KCNT2: variants seen among roughly 807,000 people sequenced by gnomAD.
KCNT2 encodes the protein potassium sodium-activated channel subfamily T member 2.
In KCNT2, 67 loss-of-function variants were observed where a neutral mutation model predicts 153.8. The observed-to-expected ratio is 0.44, with a 90% confidence interval of 0.36 to 0.53. KCNT2 has a LOEUF of 0.53. Ranked by LOEUF, KCNT2 falls within the 20% of genes least tolerant of loss-of-function variation. The pLI is 0.00. For missense variants in KCNT2, 975 were observed against 1,354.8 expected (o/e 0.72, Z 4.40); for synonymous variants, 500 against 458.8 (o/e 1.09, Z -1.15).
chr1:196,527,503 TC>T (rs1654393015), intron 1 of KCNT2, among the ~76,000 whole-genome samples: 2 of 152,154 alleles, frequency 1.3e-5, no homozygotes, highest in South Asian at 4.1e-4. Flanking sequence ...ATATTAATAA[TC>T]TAACAAATTT....
At chr1:196,386,760 T>C (rs915438986) in intron 13 of KCNT2, among the ~76,000 whole-genome samples, 10 of 152,122 alleles carry the variant, frequency 6.6e-5, no homozygotes, top group African/African-American at 2.4e-4. Context: ...AAGAAGGATT[T>C]AGCTATTGAC....
At chr1:196,567,433 T>G (rs949342950) in intron 1 of KCNT2, among the ~76,000 whole-genome samples, 5 of 152,188 alleles carry the variant, frequency 3.3e-5, no homozygotes, top group African/African-American at 1.2e-4. Context: ...GAATAGCAAG[T>G]GCTGTTGTCA....
At chr1:196,562,159 C>A (rs774198212) in intron 1 of KCNT2, among the ~76,000 whole-genome samples, 10 of 151,864 alleles carry the variant, frequency 6.6e-5, no homozygotes, top group Admixed American at 1.3e-4. Flanking sequence ...ATTTTTCCCA[C>A]AAGAGACAGC....
chr1:196,538,204 T>A (rs1655863710), intron 1 of KCNT2, among the ~76,000 whole-genome samples: 1 of 151,938 alleles, frequency 6.6e-6, no homozygotes, highest in South Asian at 2.1e-4. Context: ...TCCATGCAAA[T>A]GGAGGACCCA....
chr1:196,466,966 TTCCTTTTC>T (rs1677674084), intron 7 of KCNT2, among the ~76,000 whole-genome samples: 1 of 151,998 alleles, frequency 6.6e-6, no homozygotes, highest in Non-Finnish European at 1.5e-5. Context: ...TACCTCTTGC[TTCCTTTTC>T]TCCTAATATC....
intron 1 of KCNT2, among the ~76,000 whole-genome samples, chr1:196,574,436 C>T (rs554346480): frequency 6.6e-6 from 1 of 151,856 alleles, no homozygotes; most frequent in African/African-American, 2.4e-5. Context: ...AGAGTCATAG[C>T]TGTTAAACAA....
At chr1:196,240,610 T>C (rs1354606182) in intron 26 of KCNT2, among the ~76,000 whole-genome samples, 1 of 152,034 alleles carries the variant, frequency 6.6e-6, no homozygotes, top group Non-Finnish European at 1.5e-5. Flanking sequence ...GAAGGGCAAA[T>C]GGCATAGCAA....
chr1:196,388,018 A>G (rs1362139709), intron 13 of KCNT2, among the ~76,000 whole-genome samples: 1 of 148,520 alleles, frequency 6.7e-6, no homozygotes, highest in Non-Finnish European at 1.5e-5. Flanking sequence ...ACATTCCTCT[A>G]TGTTTTATTT....
intron 13 of KCNT2, among the ~76,000 whole-genome samples, chr1:196,375,595 T>TA (rs995134156): frequency 1.4e-4 from 21 of 151,790 alleles, no homozygotes; most frequent in African/African-American, 5.1e-4. Flanking sequence ...GTTTACATAT[T>TA]AAAAAAACAT....
At chr1:196,552,772 ATATAGT>A (rs1335209825) in intron 1 of KCNT2, among the ~76,000 whole-genome samples, 1 of 151,448 alleles carries the variant, frequency 6.6e-6, no homozygotes, top group African/African-American at 2.4e-5. Context: ...AAGCAGGGAA[ATATAGT>A]TAAAGTGTAG....
At chr1:196,584,674 A>T (rs978410974) in intron 1 of KCNT2, among the ~76,000 whole-genome samples, 2 of 152,162 alleles carry the variant, frequency 1.3e-5, no homozygotes, top group African/African-American at 4.8e-5. Flanking sequence ...AATGTTGTCA[A>T]GAGAAAATTC....
Position 196,265,508 on chromosome 1 carries a change from A to T in KCNT2, c.2911-7014T>A, listed in dbSNP as rs1657452836. 1.3e-5 allele frequency among the ~76,000 whole-genome samples: 2 copies of T among 152,254 alleles called. 1 individual carries two copies. The highest frequency in any genetic ancestry group is 4.1e-4 in the South Asian group (2 of 4,824). On this transcript the variant is annotated intron_variant, in intron 25 of 27. Coordinates refer to ENST00000294725, the MANE Select transcript of KCNT2 (RefSeq NM_198503.5). ...TGGTATCCAGTAAGAAATGTGGCTG[A>T]CACTAGGCACAGGGGAATAATTCCT... is the stretch of plus-strand genomic sequence containing the variant.
intron 19 of KCNT2, among the ~76,000 whole-genome samples, chr1:196,323,744 A>T (rs1168043792): frequency 6.6e-6 from 1 of 151,904 alleles, no homozygotes; most frequent in Non-Finnish European, 1.5e-5. Flanking sequence ...ACTAATTTTT[A>T]AAAATAGCCA....
chr1:196,237,619 C>G (rs545229737), intron 26 of KCNT2, among the ~76,000 whole-genome samples: 20 of 151,910 alleles, frequency 1.3e-4, no homozygotes, highest in African/African-American at 4.6e-4. Flanking sequence ...GGCTGGAGTA[C>G]AATGGCTTGA....
chr1:196,547,883 G>A (rs1349925782), intron 1 of KCNT2, among the ~76,000 whole-genome samples: 1 of 151,570 alleles, frequency 6.6e-6, no homozygotes, highest in Non-Finnish European at 1.5e-5. Flanking sequence ...CTCCAGTATG[G>A]TAACATCCAG....
chr1:196,502,102 G>A (rs565929018), intron 1 of KCNT2, among the ~76,000 whole-genome samples: 15 of 152,124 alleles, frequency 9.9e-5, no homozygotes, highest in Middle Eastern at 3.2e-3. Flanking sequence ...AGGTGACAGA[G>A]CAAGACTCCA....
intron 1 of KCNT2, among the ~76,000 whole-genome samples, chr1:196,526,226 G>A (rs1228503541): frequency 6.6e-6 from 1 of 151,522 alleles, no homozygotes. Flanking sequence ...CATAAAAAAT[G>A]TTCATGTATA....
At chr1:196,465,455 T>TAA in intron 7 of KCNT2, 68 bp from the exon 8 acceptor site, 3 of 845,046 alleles carry the variant, frequency 3.6e-6, no homozygotes, top group African/African-American at 3.3e-5. Flanking sequence ...TTCATTACAT[T>TAA]TATTAGCATA....
rs368497047 is a variant in KCNT2 at position 196,502,127 on chromosome 1, T to G, written c.96-9786A>C. 3.3e-5 allele frequency among the ~76,000 whole-genome samples: 5 copies of G among 151,962 alleles called. No individual in the cohort carries two copies. In the East Asian group the frequency reaches 7.7e-4, roughly 24 times the overall value. On this transcript the variant is annotated intron_variant, in intron 1 of 27. Coordinates refer to ENST00000294725, the MANE Select transcript of KCNT2 (RefSeq NM_198503.5). The stretch of plus-strand genomic sequence containing the variant: ...GCAAGACTCCATCTCAAAAATAAAT[T>G]AAAAAAAAGATAGTTCAGGCTCAAG...
Sources: gnomAD v4.1 joint callset for allele counts (sites outside exome capture counted in the v4.1 genomes callset) on GRCh38, gnomAD v4.1.1 for gene constraint, MANE v1.5 for transcripts, NCBI Gene and HGNC (gene_info 2026-07-23, HGNC 2026-07-21) for gene names.